The following CDC42BPA variants were observed in gnomAD, a reference collection of about 807,000 sequenced individuals.
CDC42BPA encodes CDC42 binding protein kinase alpha, also known as serine/threonine-protein kinase MRCK alpha.
Under a neutral mutation model 223.5 loss-of-function variants are expected in CDC42BPA, and 80 were observed. That is an observed-to-expected ratio of 0.36 (90% CI 0.30 to 0.43). CDC42BPA has a LOEUF of 0.43. CDC42BPA is among the 20% of genes least tolerant of loss of function. CDC42BPA has a pLI of 1.00. For missense variants in CDC42BPA, 1,743 were observed against 2,099.9 expected (o/e 0.83, Z 3.32); for synonymous variants, 694 against 718.6 (o/e 0.97, Z 0.55).
chr1:227,017,608 A>C (rs1357788247), intron 32 of CDC42BPA, among the ~76,000 whole-genome samples: 2 of 152,142 alleles, frequency 1.3e-5, no homozygotes, highest in Admixed American at 6.6e-5. Context: ...CCTTTATAAA[A>C]GGTAAGAATC....
chr1:227,136,536 C>A (rs897060311), intron 10 of CDC42BPA, among the ~76,000 whole-genome samples: 2 of 152,130 alleles, frequency 1.3e-5, no homozygotes, highest in Admixed American at 1.3e-4. Context: ...TGCAAAAGCT[C>A]AATGAATCTC....
At chr1:227,020,786 A>T (rs1365001949) in intron 32 of CDC42BPA, among the ~76,000 whole-genome samples, 3 of 152,208 alleles carry the variant, frequency 2.0e-5, no homozygotes, top group Non-Finnish European at 4.4e-5. Context: ...GACTTGGCTA[A>T]CTGTTGCAAG....
intron 6 of CDC42BPA, among the ~76,000 whole-genome samples, chr1:227,158,052 G>A (rs1663144588): frequency 6.6e-6 from 1 of 151,406 alleles, no homozygotes; most frequent in Non-Finnish European, 1.5e-5. Flanking sequence ...CCACCTCCTG[G>A]GTTCAAGCGA....
At chr1:227,138,880 C>T (rs871210) in intron 10 of CDC42BPA, among the ~76,000 whole-genome samples, 25,821 of 151,702 alleles carry the variant, frequency 0.17, 2,249 homozygotes, top group Middle Eastern at 0.2. Context: ...GACCAGAGAA[C>T]GAAAAATGAG....
intron 2 of CDC42BPA, among the ~76,000 whole-genome samples, chr1:227,235,857 G>A (rs2148042315): frequency 6.6e-6 from 1 of 152,208 alleles, no homozygotes; most frequent in East Asian, 1.9e-4. Flanking sequence ...ATTGCTAGTG[G>A]AATTCCTAAC....
chr1:227,074,980 T>C (rs536673156), intron 17 of CDC42BPA, among the ~76,000 whole-genome samples: 1 of 152,300 alleles, frequency 6.6e-6, no homozygotes, highest in South Asian at 2.1e-4. Flanking sequence ...TCAAATTATA[T>C]TTAGTAAGAC....
intron 21 of CDC42BPA, among the ~76,000 whole-genome samples, chr1:227,055,329 G>A (rs547825349): frequency 4.6e-5 from 7 of 151,820 alleles, no homozygotes; most frequent in South Asian, 2.1e-4. Flanking sequence ...TTTAATTATC[G>A]CCAACCAGAC....
intron 32 of CDC42BPA, among the ~76,000 whole-genome samples, chr1:227,020,564 C>T (rs189387059): frequency 7.9e-5 from 12 of 152,310 alleles, no homozygotes; most frequent in Admixed American, 2.0e-4. Flanking sequence ...TTTTCTTCTG[C>T]AGGTTCCTGA....
rs369595940 is a variant in CDC42BPA, at chr1:227,163,089, C to CATAAAT, written c.600-2454_600-2453insATTTAT. On this transcript the variant is annotated intron_variant, in intron 5 of 36. Coordinates refer to ENST00000366766, the MANE Select transcript of CDC42BPA (RefSeq NM_001394014.1). Reference sequence around the variant, plus strand: ...ACATAAATGTGTGTATGTTTCCAAACATGTGTGTTTCCAAACATATATGTG... The same window carrying CATAAAT: ...ACATAAATGTGTGTATGTTTCCAAACATAAATATGTGTGTTTCCAAACATATATGTG... 7.9e-3 allele frequency among the ~76,000 whole-genome samples: 893 copies of CATAAAT among 113,646 alleles called. 12 individuals carry two copies. Among genetic ancestry groups the CATAAAT allele is most frequent in the African/African-American group, 0.027 (842 of 31,578 alleles). The allele number at this position is 113,646 out of a possible 152,430, so 74.6% of individuals were successfully genotyped here.
chr1:227,035,802 TA>T (rs1262436639), intron 24 of CDC42BPA, among the ~76,000 whole-genome samples, 195 bp from the exon 25 acceptor site: 1 of 152,222 alleles, frequency 6.6e-6, no homozygotes, highest in African/African-American at 2.4e-5. Flanking sequence ...AGTAAATATT[TA>T]AAAAATTACT....
At chr1:227,119,631 C>G (rs1390793281) in intron 12 of CDC42BPA, among the ~76,000 whole-genome samples, 173 bp downstream of exon 12, 1 of 152,030 alleles carries the variant, frequency 6.6e-6, no homozygotes, top group East Asian at 1.9e-4. Flanking sequence ...TTCTTAATTT[C>G]TAGCTACTAA....
chr1:227,030,523 G>A, intron 28 of CDC42BPA, 53 bp from the exon 29 acceptor site: 2 of 1,074,124 alleles, frequency 1.9e-6, no homozygotes, highest in African/African-American at 1.6e-5. Flanking sequence ...ACCATGTAAT[G>A]CTAATAAACC....
At chr1:227,138,661 A>T (rs1167710234) in intron 10 of CDC42BPA, among the ~76,000 whole-genome samples, 2 of 152,154 alleles carry the variant, frequency 1.3e-5, no homozygotes, top group East Asian at 3.8e-4. Flanking sequence ...TAGGGGAAAT[A>T]GCATGAAGAG....
rs187777649 is a variant in CDC42BPA, at chr1:227,260,709, C to A, written c.179-6554G>T. Among the ~76,000 whole-genome samples, 65 of 151,196 alleles carry A rather than the reference C, an allele frequency of 4.3e-4. No homozygotes were observed. The East Asian group carries it at 0.012, about 28-fold the overall frequency. ...CAAGAAATTTTAACCTTCCCTTCAC[C>A]CATTATTTTCCTTCTTCTCTTTCGT... On this transcript the variant is annotated intron_variant, in intron 1 of 36. Transcript: ENST00000366766.
At chr1:227,170,598 A>G (rs928108503) in intron 5 of CDC42BPA, among the ~76,000 whole-genome samples, 1 of 152,222 alleles carries the variant, frequency 6.6e-6, no homozygotes, top group Non-Finnish European at 1.5e-5. Flanking sequence ...CCCCACTGCC[A>G]GGTTCCTTCA....
Position 227,112,315 on chromosome 1 carries a change from C to T in CDC42BPA, c.1998G>A (p.Leu666=), listed in dbSNP as rs753020664. 3 of 1,563,492 alleles carry T rather than the reference C, an allele frequency of 1.9e-6. No homozygotes were observed. In the South Asian group the frequency reaches 3.5e-5, roughly 18 times the overall value. Residue 666 remains leucine (L), a synonymous_variant, in exon 14 of 37, where the codon CTG becomes CTA. Coordinates refer to ENST00000366766, the MANE Select transcript of CDC42BPA (RefSeq NM_001394014.1). ...TAAATGTGAAGTCAAAAGATACCTT[C>T]AGTCCCTCCAATTCATTTTCCAGTT... The part of the protein sequence containing the change: ...SKQLENELEG[L]KQKQISYSPG...
At chr1:227,190,745 T>C (rs1669571716) in intron 5 of CDC42BPA, among the ~76,000 whole-genome samples, 1 of 152,188 alleles carries the variant, frequency 6.6e-6, no homozygotes, top group Non-Finnish European at 1.5e-5. Context: ...AGTAAAGCAT[T>C]TGCTGAAAAT....
At chr1:227,299,923 T>C (rs1365505470) in intron 1 of CDC42BPA, among the ~76,000 whole-genome samples, 2 of 152,296 alleles carry the variant, frequency 1.3e-5, no homozygotes, top group East Asian at 3.9e-4. Context: ...AAGACGTCAT[T>C]CTCGTCCTCT....
chr1:227,266,304 T>C (rs1235551584), intron 1 of CDC42BPA, among the ~76,000 whole-genome samples: 1 of 152,162 alleles, frequency 6.6e-6, no homozygotes, highest in Non-Finnish European at 1.5e-5. Context: ...GAAAGCCCTT[T>C]CTCGAATGCT....
Sources: allele counts gnomAD v4.1 joint callset (sites outside exome capture counted in the v4.1 genomes callset), GRCh38; gene constraint gnomAD v4.1.1; transcripts MANE v1.5; gene names NCBI Gene and HGNC (gene_info 2026-07-23, HGNC 2026-07-21).